SH3GL3: variants seen among roughly 807,000 people sequenced by gnomAD.
SH3GL3 encodes the protein endophilin-A3.
A neutral mutation model predicts 47.7 loss-of-function variants in SH3GL3; 33 were observed. The ratio of observed to expected loss-of-function variants is 0.69; its 90% CI spans 0.52 to 0.92. The LOEUF is 0.92. Ranked by LOEUF, SH3GL3 falls within the 40% of genes least tolerant of loss-of-function variation. The probability of loss-of-function intolerance (pLI) is 0.00; values close to 1 mark genes in which losing one functional copy is unlikely to be tolerated. For synonymous variants in SH3GL3, 155 were observed against 148.8 expected, an observed-to-expected ratio of 1.04 and a Z score of -0.30; for missense variants, 363 against 417.8, an observed-to-expected ratio of 0.87 and a Z score of 1.14.
chr15:83,520,098 A>G (rs553313104), intron 1 of SH3GL3, among the ~76,000 whole-genome samples: 1 of 152,320 alleles, frequency 6.6e-6, no homozygotes. Flanking sequence ...GCAAATGTGT[A>G]GAGGGTCAGG....
intron 1 of SH3GL3, among the ~76,000 whole-genome samples, chr15:83,458,973 G>A (rs910996100): frequency 3.3e-5 from 5 of 152,186 alleles, no homozygotes; most frequent in African/African-American, 1.2e-4. Flanking sequence ...GAGCAAGGAA[G>A]CCAGACTGAG....
intron 8 of SH3GL3, among the ~76,000 whole-genome samples, chr15:83,602,215 C>T (rs2060403749): frequency 6.6e-6 from 1 of 152,150 alleles, no homozygotes; most frequent in East Asian, 1.9e-4. Context: ...CACACACATT[C>T]CAGGGATGAG....
chr15:83,605,175 A>G (rs2060483837), intron 8 of SH3GL3, among the ~76,000 whole-genome samples: 1 of 152,216 alleles, frequency 6.6e-6, no homozygotes, highest in African/African-American at 2.4e-5. Context: ...CCACTGCAGC[A>G]AACTCTACTG....
intron 1 of SH3GL3, among the ~76,000 whole-genome samples, chr15:83,479,107 C>T (rs574605180): frequency 1.3e-5 from 2 of 152,308 alleles, no homozygotes; most frequent in African/African-American, 4.8e-5. Context: ...CTAAGGTCTG[C>T]ACTTAATTTA....
At chr15:83,580,365 C>T (rs2151790889) in intron 6 of SH3GL3, among the ~76,000 whole-genome samples, 1 of 152,326 alleles carries the variant, frequency 6.6e-6, no homozygotes, top group East Asian at 1.9e-4. Context: ...GTGTTTCTAC[C>T]TGATCTGGTA....
intron 1 of SH3GL3, among the ~76,000 whole-genome samples, chr15:83,478,335 A>C (rs2041191520): frequency 6.6e-6 from 1 of 152,188 alleles, no homozygotes; most frequent in Admixed American, 6.5e-5. Flanking sequence ...TATGAAGAGC[A>C]CAGTGGAACT....
chr15:83,623,255 C>G (rs1436855863), downstream of SH3GL3, among the ~76,000 whole-genome samples: 5 of 152,206 alleles, frequency 3.3e-5, no homozygotes, highest in Admixed American at 2.6e-4. Flanking sequence ...AAGCCACCCC[C>G]CAAATCAGTG....
the SH3GL3 span, among the ~76,000 whole-genome samples, chr15:83,630,354 A>C: frequency 4.7e-4 from 71 of 152,180 alleles, no homozygotes; most frequent in Non-Finnish European, 1.3e-4. Context: ...AAAATTAAAC[A>C]TTTTTGCTCC....
At chr15:83,450,633 G>C (rs1360616839) in intron 1 of SH3GL3, among the ~76,000 whole-genome samples, 8 of 149,600 alleles carry the variant, frequency 5.3e-5, no homozygotes, top group African/African-American at 2.0e-4. Flanking sequence ...GCTAAAATGA[G>C]AAGAATATAA....
At chr15:83,599,814 T>A (rs1303036444) in intron 8 of SH3GL3, among the ~76,000 whole-genome samples, 4 of 152,224 alleles carry the variant, frequency 2.6e-5, no homozygotes, top group Non-Finnish European at 5.9e-5. Flanking sequence ...TTACCAGCAG[T>A]GTAGAAATGT....
chr15:83,607,906 C>T (rs959106119), intron 8 of SH3GL3, among the ~76,000 whole-genome samples: 3 of 150,670 alleles, frequency 2.0e-5, no homozygotes, highest in Non-Finnish European at 3.0e-5. Flanking sequence ...AAAAAAACAA[C>T]CCACACACAT....
chr15:83,528,527 G>A (rs950985594), intron 1 of SH3GL3, among the ~76,000 whole-genome samples: 9 of 151,814 alleles, frequency 5.9e-5, no homozygotes, highest in African/African-American at 2.2e-4. Flanking sequence ...TGTCTGATTG[G>A]GTTATTTCAA....
intron 1 of SH3GL3, among the ~76,000 whole-genome samples, chr15:83,501,697 G>T (rs1242561639): frequency 6.6e-6 from 1 of 152,126 alleles, no homozygotes; most frequent in Admixed American, 6.5e-5. Flanking sequence ...TTCATGACTA[G>T]CCTGGCCAAC....
At chr15:83,597,396 A>G (rs2060261894) in intron 8 of SH3GL3, among the ~76,000 whole-genome samples, 1 of 152,068 alleles carries the variant, frequency 6.6e-6, no homozygotes. Flanking sequence ...TCACATCGTC[A>G]CATTCCCTTT....
rs1472312143 is a variant in SH3GL3, at chr15:83,448,067, G to A, written c.45+489G>A. ...TTGGCTGTGTCCCGCTGAGCTCCCC[G>A]CGCGCGCATCGAAATGGCCCCGTCT... On this transcript the variant is annotated intron_variant, in intron 1 of 8. Transcript: ENST00000427482. The surrounding 1 kb of genome is among the most constrained non-coding windows in gnomAD (Gnocchi z 4.2). Among the ~76,000 whole-genome samples, 1 of 152,100 alleles carries A rather than the reference G, an allele frequency of 6.6e-6. No individual in the cohort carries two copies.
At chr15:83,474,514 A>G (rs1217626817) in intron 1 of SH3GL3, among the ~76,000 whole-genome samples, 1 of 150,452 alleles carries the variant, frequency 6.6e-6, no homozygotes, top group African/African-American at 2.4e-5. Flanking sequence ...AATGGCTGGC[A>G]CTTTTTTTTT....
At chr15:83,473,214 C>T (rs1396198315) in intron 1 of SH3GL3, among the ~76,000 whole-genome samples, 1 of 150,422 alleles carries the variant, frequency 6.6e-6, no homozygotes, top group South Asian at 2.2e-4. Flanking sequence ...CTGTCCACTA[C>T]CACCAAAGGT....
At chr15:83,467,823 T>C (rs2040636119) in intron 1 of SH3GL3, among the ~76,000 whole-genome samples, 1 of 152,170 alleles carries the variant, frequency 6.6e-6, no homozygotes, top group Non-Finnish European at 1.5e-5. Context: ...GTATTTTCTT[T>C]TCTTTTTTTA....
At chr15:83,491,477 G>T (rs1355333197) in intron 1 of SH3GL3, among the ~76,000 whole-genome samples, 1 of 152,162 alleles carries the variant, frequency 6.6e-6, no homozygotes, top group Admixed American at 6.5e-5. Context: ...GAAGTGGTAT[G>T]GATAAGATTT....
Sources: gnomAD v4.1 joint callset for allele counts (sites outside exome capture counted in the v4.1 genomes callset) on GRCh38, gnomAD v4.1.1 for gene constraint, Gnocchi (gnomAD v3.1) non-coding constraint, MANE v1.5 for transcripts, NCBI Gene and HGNC (gene_info 2026-07-23, HGNC 2026-07-21) for gene names.